CDC14A: variants seen among roughly 807,000 people sequenced by gnomAD.
CDC14A encodes dual specificity protein phosphatase CDC14A.
Under a neutral mutation model 74.4 loss-of-function variants are expected in CDC14A, and 53 were observed. The ratio of observed to expected loss-of-function variants is 0.71; its 90% CI spans 0.57 to 0.89. The LOEUF is 0.89. Ranked by LOEUF, CDC14A falls within the 40% of genes least tolerant of loss-of-function variation. CDC14A has a pLI of 0.00. For synonymous variants in CDC14A, 247 were observed against 258.4 expected, an observed-to-expected ratio of 0.96 and a Z score of 0.43; for missense variants, 646 against 713.7, an observed-to-expected ratio of 0.91 and a Z score of 1.08.
chr1:100,366,302 A>G (rs1007718880), intron 2 of CDC14A, among the ~76,000 whole-genome samples: 1 of 152,234 alleles, frequency 6.6e-6, no homozygotes, highest in Non-Finnish European at 1.5e-5. Context: ...ATAGGTAGTC[A>G]TAAATTTTGT....
At chr1:100,452,122 T>TG (rs1326577121) in intron 7 of CDC14A, among the ~76,000 whole-genome samples, 2 of 152,226 alleles carry the variant, frequency 1.3e-5, no homozygotes, top group African/African-American at 4.8e-5. Context: ...ATTGTAGGTT[T>TG]GTTACAGTAG....
intron 10 of CDC14A, among the ~76,000 whole-genome samples, chr1:100,476,722 G>A (rs1157505179): frequency 6.6e-6 from 1 of 151,908 alleles, no homozygotes; most frequent in African/African-American, 2.4e-5. Flanking sequence ...ATATTTTAAG[G>A]TAATTAGTCT....
intron 11 of CDC14A, among the ~76,000 whole-genome samples, chr1:100,490,922 A>G (rs12722868): frequency 0.31 from 47,653 of 152,078 alleles, 8,720 homozygotes; most frequent in East Asian, 0.49. Context: ...AAGCTCTTAA[A>G]CATTGCTAGT....
intron 15 of CDC14A, among the ~76,000 whole-genome samples, chr1:100,500,444 C>A (rs1648570217): frequency 6.6e-6 from 1 of 152,126 alleles, no homozygotes; most frequent in African/African-American, 2.4e-5. Flanking sequence ...TATCTACTTT[C>A]TTTAGTTGAC....
At chr1:100,412,057 T>G (rs1484310337) in intron 4 of CDC14A, among the ~76,000 whole-genome samples, 1 of 152,226 alleles carries the variant, frequency 6.6e-6, no homozygotes, top group Non-Finnish European at 1.5e-5. Context: ...ATGCAGGCGA[T>G]GAGGCCAAAG....
chr1:100,456,404 G>GA (rs1490582531), intron 8 of CDC14A, among the ~76,000 whole-genome samples: 1 of 150,756 alleles, frequency 6.6e-6, no homozygotes, highest in Non-Finnish European at 1.5e-5. Context: ...ACATAAAATT[G>GA]AAAAAATATC....
chr1:100,484,405 T>C lies in CDC14A; in HGVS notation c.1091T>C (p.Ile364Thr). ...CTTTCTGGCCTAGATGATATGTCTA[T>C]TGGTGGAAATCTTTCAAAAACACAA... ...KILSGLDDMS[I>T]GGNLSKTQNM... Residue 364 changes from isoleucine to threonine, a missense_variant, in exon 11 of 16, where the codon ATT becomes ACT. Transcript: ENST00000336454. 6.2e-7 allele frequency: 1 copy of C among 1,607,838 alleles called. No homozygotes were observed. The highest frequency in any genetic ancestry group is 8.5e-7 in the Non-Finnish European group (1 of 1,177,284).
chr1:100,365,150 AGAT>A lies in CDC14A; in HGVS notation c.140+11302_140+11304del, dbSNP rs368009608. On this transcript the variant is annotated intron_variant, in intron 2 of 15. Transcript: ENST00000336454. ...CTTTTTGCAGACAAGTAAGTAATAA[AGAT>A]GATAAGTTTCCTAATACATGTAGCT... Among the ~76,000 whole-genome samples the A allele has an allele frequency of 2.2e-4, 33 of 152,362 alleles. No individual in the cohort carries two copies. In the East Asian group the frequency reaches 6.2e-3, roughly 28 times the overall value.
intron 4 of CDC14A, among the ~76,000 whole-genome samples, chr1:100,407,348 CTGTT>C (rs1660087925): frequency 2.6e-5 from 4 of 152,120 alleles, no homozygotes; most frequent in Admixed American, 2.6e-4. Flanking sequence ...GAATGTTTCT[CTGTT>C]TGTTTGTATC....
rs1370652504 is a variant in CDC14A at position 100,442,997 on chromosome 1, G to A, written c.519+1G>A. ...TGTGGATGAATATGAACATTATGAGGTTTGTACATTTAATTTTTTTTACAA... is the reference window on the plus strand; with the variant it reads ...TGTGGATGAATATGAACATTATGAGATTTGTACATTTAATTTTTTTTACAA... On this transcript the variant is annotated splice_donor_variant, in intron 7 of 15. Transcript: ENST00000336454. LOFTEE classifies it high-confidence loss of function. 1.3e-6 allele frequency: 2 copies of A among 1,570,586 alleles called. No homozygotes were observed. Among genetic ancestry groups the A allele is most frequent in the Non-Finnish European group, 1.7e-6 (2 of 1,143,404 alleles).
intron 3 of CDC14A, among the ~76,000 whole-genome samples, chr1:100,384,268 A>G (rs1656543298): frequency 6.6e-6 from 1 of 152,208 alleles, no homozygotes. Context: ...CTTATGATTT[A>G]CATAACAGGG....
chr1:100,354,591 A>G (rs1046875562), intron 2 of CDC14A, among the ~76,000 whole-genome samples: 2 of 152,258 alleles, frequency 1.3e-5, no homozygotes, highest in African/African-American at 4.8e-5. Flanking sequence ...CAGGCATAGT[A>G]AAACATTAAT....
intron 2 of CDC14A, among the ~76,000 whole-genome samples, chr1:100,356,022 C>T (rs1651841895): frequency 6.6e-6 from 1 of 151,978 alleles, no homozygotes; most frequent in Non-Finnish European, 1.5e-5. Context: ...GAGGAGGGAT[C>T]TTGGAAAACA....
At position 100,352,810 on chromosome 1, in the gene CDC14A, G is replaced by A. The variant is rs527604714; in HGVS notation, c.-145G>A. On this transcript the variant is annotated 5_prime_UTR_variant, in exon 1 of 16. Coordinates refer to ENST00000336454, the MANE Select transcript of CDC14A (RefSeq NM_003672.4). ...GCGCGCTGACCCCGAAGCCGCCTCCGCCTTCGGCGCCTGCTGCCTCCCTCG... is the reference window on the plus strand; with the variant it reads ...GCGCGCTGACCCCGAAGCCGCCTCCACCTTCGGCGCCTGCTGCCTCCCTCG... 2.2e-5 allele frequency: 32 copies of A among 1,456,912 alleles called. No homozygotes were observed. In the African/African-American group the frequency reaches 3.5e-4, roughly 16 times the overall value. 90.2% of individuals were successfully genotyped at this position (1,456,912 alleles called of 1,614,324 possible).
At chr1:100,458,564 T>G (rs1027668274) in intron 8 of CDC14A, among the ~76,000 whole-genome samples, 9 of 152,228 alleles carry the variant, frequency 5.9e-5, no homozygotes, top group Non-Finnish European at 8.8e-5. Flanking sequence ...AGATCTAATA[T>G]TCACTAGAAG....
chr1:100,477,353 A>T (rs1313634388), intron 10 of CDC14A, among the ~76,000 whole-genome samples: 1 of 151,908 alleles, frequency 6.6e-6, no homozygotes, highest in Non-Finnish European at 1.5e-5. Flanking sequence ...CATACTTTCT[A>T]ATTTGGAGTA....
chr1:100,418,386 AAAC>A (rs1227358667), intron 4 of CDC14A, among the ~76,000 whole-genome samples: 2 of 152,170 alleles, frequency 1.3e-5, no homozygotes, highest in Admixed American at 6.5e-5. Flanking sequence ...TATTCCAGAA[AAAC>A]AACAACAACC....
At chr1:100,353,031 A>G (rs1201891388) in intron 1 of CDC14A, 28 bp downstream of exon 1, 4 of 1,612,558 alleles carry the variant, frequency 2.5e-6, no homozygotes, top group Non-Finnish European at 3.4e-6. Context: ...CGCATCTTCC[A>G]ACGCTTTCTT....
chr1:100,436,605 A>C (rs1664372458), intron 5 of CDC14A, among the ~76,000 whole-genome samples: 1 of 151,844 alleles, frequency 6.6e-6, no homozygotes, highest in Non-Finnish European at 1.5e-5. Flanking sequence ...TTATATTTTT[A>C]ATAGAGATAG....
Sources: allele counts gnomAD v4.1 joint callset (sites outside exome capture counted in the v4.1 genomes callset), GRCh38; gene constraint gnomAD v4.1.1; transcripts MANE v1.5; gene names NCBI Gene and HGNC (gene_info 2026-07-23, HGNC 2026-07-21).